Variants in RORB observed in about 807,000 individuals in gnomAD.
The protein encoded by RORB is RAR related orphan receptor B, also known as nuclear receptor ROR-beta.
RORB carries 6 observed loss-of-function variants against 59.1 expected under a neutral mutation model. That is an observed-to-expected ratio of 0.10 (90% confidence interval 0.06 to 0.20). The LOEUF (loss-of-function observed/expected upper bound fraction) is 0.20. RORB is among the 10% of genes least tolerant of loss of function. RORB has a pLI of 1.00. For missense variants in RORB, 320 were observed against 560.5 expected, an observed-to-expected ratio of 0.57 and a Z score of 4.33; for synonymous variants, 215 against 204.5, an observed-to-expected ratio of 1.05 and a Z score of -0.44.
At chr9:74,604,559 G>T (rs558715818) in intron 1 of RORB, among the ~76,000 whole-genome samples, 1 of 152,108 alleles carries the variant, frequency 6.6e-6, no homozygotes, top group Non-Finnish European at 1.5e-5. Flanking sequence ...TTCTTTAGCC[G>T]TTGGGATACA....
chr9:74,580,773 T>A (rs1207248970), intron 1 of RORB, among the ~76,000 whole-genome samples: 1 of 152,164 alleles, frequency 6.6e-6, no homozygotes, highest in African/African-American at 2.4e-5. Flanking sequence ...TATAGTGATG[T>A]CATCTTACCT....
intron 9 of RORB, among the ~76,000 whole-genome samples, chr9:74,677,498 C>G (rs1824463129): frequency 6.6e-6 from 1 of 152,084 alleles, no homozygotes; most frequent in African/African-American, 2.4e-5. Flanking sequence ...TGCACCTGTT[C>G]TTTCTTTTAA....
chr9:74,563,277 C>G (rs924416762), intron 1 of RORB, among the ~76,000 whole-genome samples: 2 of 151,668 alleles, frequency 1.3e-5, no homozygotes, highest in African/African-American at 4.9e-5. Flanking sequence ...CTTCCAACTC[C>G]CAGATTCAAG....
chr9:74,671,899 A>G lies in RORB; in HGVS notation c.1222A>G (p.Lys408Glu). The part of the protein sequence containing the change: ...KNHLDDETLA[K>E]LIAKIPTITA... Reference sequence around the variant, plus strand: ...TCACCTGGATGATGAGACCTTGGCAAAGGTAGGTCCACAGATCACAGAGCC... The same window carrying G: ...TCACCTGGATGATGAGACCTTGGCAGAGGTAGGTCCACAGATCACAGAGCC... The change falls in exon 9 of 10, where the codon AAG becomes GAG. Residue 408 changes from lysine to glutamate, a missense_variant and splice_region_variant. Lys to Glu is a moderately conservative substitution (Grantham distance 56). Coordinates refer to ENST00000376896, the MANE Select transcript of RORB (RefSeq NM_006914.4). The G allele has an allele frequency of 6.3e-7, 1 of 1,578,830 alleles. No individual in the cohort carries two copies. Among genetic ancestry groups the G allele is most frequent in the South Asian group, 1.1e-5 (1 of 89,456 alleles).
At chr9:74,670,059 G>A (rs1587416536) in intron 8 of RORB, among the ~76,000 whole-genome samples, 1 of 150,482 alleles carries the variant, frequency 6.6e-6, no homozygotes, top group African/African-American at 2.4e-5. Context: ...AAATCAAGCT[G>A]TTCCTCTAGG....
intron 1 of RORB, among the ~76,000 whole-genome samples, chr9:74,592,994 T>A (rs891921130): frequency 3.9e-5 from 6 of 152,160 alleles, no homozygotes; most frequent in Non-Finnish European, 8.8e-5. Context: ...TTTCTTGGGC[T>A]GATGAGAATC....
chr9:74,658,019 A>AAG (rs890139706), intron 4 of RORB, among the ~76,000 whole-genome samples: 3 of 124,562 alleles, frequency 2.4e-5, no homozygotes, highest in Admixed American at 8.5e-5. Context: ...AAAAAAAAAA[A>AAG]AAAAAAAAAG....
At chr9:74,595,603 C>T (rs891249076) in intron 1 of RORB, among the ~76,000 whole-genome samples, 1 of 152,186 alleles carries the variant, frequency 6.6e-6, no homozygotes, top group African/African-American at 2.4e-5. Context: ...CAATTGAAAA[C>T]AACAGCTTTG....
intron 1 of RORB, among the ~76,000 whole-genome samples, chr9:74,623,163 G>A (rs1823452089): frequency 6.6e-6 from 1 of 152,276 alleles, no homozygotes; most frequent in South Asian, 2.1e-4. Context: ...TAGAAAAACT[G>A]TATGGTTTTT....
Position 74,667,919 on chromosome 9 carries a change from C to G in RORB, c.1111+18C>G. 6.8e-7 allele frequency: 1 copy of G among 1,481,026 alleles called. No homozygotes were observed. The highest frequency in any genetic ancestry group is 9.4e-7 in the Non-Finnish European group (1 of 1,058,582). 91.7% of individuals were successfully genotyped at this position (1,481,026 alleles called of 1,614,324 possible). ...ATCTCCAGGTAGGGCAGTCTCAGTT[C>G]TCTTACCTTTTTAAAAAACTTGTTT... On this transcript the variant is annotated intron_variant, in intron 8 of 9. Coordinates refer to ENST00000376896, the MANE Select transcript of RORB (RefSeq NM_006914.4).
rs1824728136 is a variant in RORB at position 74,690,758 on chromosome 9, T to C, written c.*5140T>C. On this transcript the variant is annotated 3_prime_UTR_variant, in exon 10 of 10. Transcript: ENST00000376896. ...CACAACTAGAGGATATAACAGGAGG[T>C]CAGTTTAAAAAATAGCAAACAGTCT... The C allele has an allele frequency of 6.6e-6, 1 of 152,098 alleles. No individual in the cohort carries two copies. 9.4% of individuals were successfully genotyped at this position (152,098 alleles called of 1,614,324 possible). A position where few individuals can be genotyped will look rare whatever the true frequency, so the allele number is the denominator to read the frequency against.
At chr9:74,553,069 G>T (rs1340238336) in intron 1 of RORB, among the ~76,000 whole-genome samples, 4 of 152,116 alleles carry the variant, frequency 2.6e-5, no homozygotes, top group African/African-American at 9.7e-5. Context: ...CGTTCGGAGA[G>T]GGGAAGGAGC....
At position 74,644,002 on chromosome 9, in the gene RORB, G is replaced by A. The variant is rs1414431656; in HGVS notation, c.637+1187G>A. 3.3e-5 allele frequency among the ~76,000 whole-genome samples: 5 copies of A among 152,182 alleles called. No individual in the cohort carries two copies. The South Asian group carries it at 1.0e-3, about 32-fold the overall frequency. On this transcript the variant is annotated intron_variant, in intron 4 of 9. Transcript: ENST00000376896. The stretch of plus-strand genomic sequence containing the variant: ...AACCATAGCAAGGTTTGGCACTCAG[G>A]AAGTGCTCAATAACTCTTAGCTATT...
chr9:74,582,802 C>T (rs1188558632), intron 1 of RORB, among the ~76,000 whole-genome samples: 3 of 152,154 alleles, frequency 2.0e-5, no homozygotes, highest in Non-Finnish European at 4.4e-5. Flanking sequence ...GGCATATTAG[C>T]TTGCAACTTC....
intron 1 of RORB, among the ~76,000 whole-genome samples, chr9:74,593,466 T>TAAA (rs11343707): frequency 1.4e-4 from 17 of 124,804 alleles, no homozygotes; most frequent in East Asian, 2.4e-4. Context: ...AAACTCCATC[T>TAAA]AAAAAAAAAA....
chr9:74,611,439 C>T (rs989756030), intron 1 of RORB, among the ~76,000 whole-genome samples: 7 of 152,156 alleles, frequency 4.6e-5, no homozygotes, highest in Admixed American at 6.5e-5. Flanking sequence ...CAAAAAGAGG[C>T]AAGTGTTTTT....
At position 74,583,474 on chromosome 9, in the gene RORB, G is replaced by A. The variant is rs915123069; in HGVS notation, c.8-46808G>A. On this transcript the variant is annotated intron_variant, in intron 1 of 9. Transcript: ENST00000376896. ...CTGAATTTGGGTTACTAATTCTACA[G>A]GTAACCCAAATTAGGTTACTAATTT... 3.3e-5 allele frequency among the ~76,000 whole-genome samples: 5 copies of A among 151,606 alleles called. No individual in the cohort carries two copies. The South Asian group carries it at 1.0e-3, about 32-fold the overall frequency.
Position 74,501,603 on chromosome 9 carries a change from TC to T in RORB, c.7+3622del, listed in dbSNP as rs1370847368. ...ATTATTCAAACAGTTTAAAAAGAAATCCTAAAGCTGTATTTCAACTATTGTT... is the reference window on the plus strand; with the variant it reads ...ATTATTCAAACAGTTTAAAAAGAAATCTAAAGCTGTATTTCAACTATTGTT... On this transcript the variant is annotated intron_variant, in intron 1 of 9. Transcript: ENST00000376896. Among the ~76,000 whole-genome samples, 4 of 152,274 alleles carry T rather than the reference TC, an allele frequency of 2.6e-5. No individual in the cohort carries two copies. In the East Asian group the frequency reaches 7.7e-4, roughly 29 times the overall value.
chr9:74,648,962 G>A (rs1024275492), intron 4 of RORB, among the ~76,000 whole-genome samples: 1 of 151,174 alleles, frequency 6.6e-6, no homozygotes, highest in African/African-American at 2.4e-5. Flanking sequence ...ATAAAATGAA[G>A]ATAGGTTCTT....
Sources: gnomAD v4.1 joint callset for allele counts (sites outside exome capture counted in the v4.1 genomes callset) on GRCh38, gnomAD v4.1.1 for gene constraint, MANE v1.5 for transcripts, NCBI Gene and HGNC (gene_info 2026-07-23, HGNC 2026-07-21) for gene names.